The following ANKUB1 variants were observed in gnomAD, a reference collection of about 807,000 sequenced individuals.
The protein encoded by ANKUB1 is protein ANKUB1.
A neutral mutation model predicts 49.3 loss-of-function variants in ANKUB1; 42 were observed. The observed-to-expected ratio is 0.85, with a 90% CI of 0.67 to 1.10. The LOEUF is 1.10. Ranked by LOEUF, ANKUB1 falls within the 50% of genes least tolerant of loss-of-function variation. ANKUB1 has a pLI of 0.00. For missense variants in ANKUB1, 613 were observed against 642.0 expected, an observed-to-expected ratio of 0.95 and a Z score of 0.49; for synonymous variants, 222 against 231.0, an observed-to-expected ratio of 0.96 and a Z score of 0.35.
At chr3:149,786,017 A>G (rs976111218) in intron 2 of ANKUB1, among the ~76,000 whole-genome samples, 5 of 147,696 alleles carry the variant, frequency 3.4e-5, no homozygotes, top group East Asian at 1.9e-4. Flanking sequence ...GCCAGTGATG[A>G]TGAGCTTTTA....
chr3:149,786,396 T>C (rs944200040), intron 2 of ANKUB1, among the ~76,000 whole-genome samples: 8 of 152,258 alleles, frequency 5.3e-5, no homozygotes, highest in African/African-American at 1.9e-4. Context: ...GAAGCATCTG[T>C]TCATGTCCTT....
chr3:149,773,221 G>A (rs1717443777), intron 3 of ANKUB1, among the ~76,000 whole-genome samples: 1 of 152,020 alleles, frequency 6.6e-6, no homozygotes, highest in South Asian at 2.1e-4. Flanking sequence ...CTCCCTGCCA[G>A]TCCCTCCCTT....
intron 2 of ANKUB1, among the ~76,000 whole-genome samples, chr3:149,787,593 C>T (rs1018311286): frequency 8.5e-5 from 13 of 152,150 alleles, no homozygotes; most frequent in Non-Finnish European, 1.9e-4. Flanking sequence ...CTGGCCAGAA[C>T]TTCCAACACT....
chr3:149,770,520 A>C, intron 4 of ANKUB1, 40 bp downstream of exon 4: 1 of 1,420,826 alleles, frequency 7.0e-7, no homozygotes, highest in Non-Finnish European at 9.7e-7. Flanking sequence ...AGTAAAAATC[A>C]CAGCACTTGC....
At chr3:149,772,180 G>C (rs1440457808) in intron 3 of ANKUB1, among the ~76,000 whole-genome samples, 1 of 151,876 alleles carries the variant, frequency 6.6e-6, no homozygotes, top group Non-Finnish European at 1.5e-5. Flanking sequence ...ACCATGCTCA[G>C]CTAAATTTTT....
intron 2 of ANKUB1, among the ~76,000 whole-genome samples, chr3:149,787,477 A>G (rs186838805): frequency 1.8e-4 from 28 of 152,152 alleles, no homozygotes; most frequent in Non-Finnish European, 2.8e-4. Flanking sequence ...GGGCTGAGAC[A>G]ATGGGGTTTT....
chr3:149,769,083 A>C (rs1717208625), intron 4 of ANKUB1, among the ~76,000 whole-genome samples: 1 of 152,228 alleles, frequency 6.6e-6, no homozygotes. Context: ...ATAAAATATT[A>C]GAATATTTTA....
intron 3 of ANKUB1, chr3:149,778,883 A>G (rs894412401): frequency 6.6e-6 from 1 of 152,210 alleles, no homozygotes; most frequent in East Asian, 1.9e-4. Flanking sequence ...ACAAAGCCCT[A>G]TGTATATGTT....
At position 149,761,560 on chromosome 3, in the gene ANKUB1, G is replaced by T; in HGVS notation, c.1559C>A (p.Ala520Asp). The T allele has an allele frequency of 6.4e-7, 1 of 1,551,280 alleles. No individual in the cohort carries two copies. The highest frequency in any genetic ancestry group is 2.4e-5 in the East Asian group (1 of 40,896). The stretch of plus-strand genomic sequence containing the variant: ...AGTCAAGTTAGAAATGCTCTTTTTG[G>T]CCAGGACTCTTGCTATTTCTAACTG... ...LQQLEIARVL[A>D]KKSISNLTTR... The change falls in exon 6 of 6, where the codon GCC (alanine) becomes GAC (aspartate). Residue 520 changes from alanine (A) to aspartate (D), a missense_variant. Transcript: ENST00000446160.
chr3:149,767,346 T>C lies in ANKUB1; in HGVS notation c.1316A>G (p.Lys439Arg). The C allele has an allele frequency of 1.3e-6, 2 of 1,549,884 alleles. No individual in the cohort carries two copies. The highest frequency in any genetic ancestry group is 1.7e-6 in the Non-Finnish European group (2 of 1,146,638). ...KITATARKKEKLIKNTYLPQV... is the reference protein window; with the variant it reads ...KITATARKKERLIKNTYLPQV... ...GGGAAGATATGTGTTTTTTATGAGC[T>C]TTTCTTTTTTCCTAGCTGTGGCAGT... The change falls in exon 5 of 6, where the codon AAG becomes AGG. Residue 439 changes from lysine to arginine, a missense_variant. By Grantham distance (26) the Lys-to-Arg change is conservative. Transcript: ENST00000446160.
chr3:149,764,130 C>T, intron 5 of ANKUB1: 1 of 425,898 alleles, frequency 2.3e-6, no homozygotes, highest in Non-Finnish European at 4.7e-6. Context: ...AAGATAGCGT[C>T]CATCCATTCC....
chr3:149,789,630 C>CT (rs35696242), intron 2 of ANKUB1, among the ~76,000 whole-genome samples: 102,854 of 140,468 alleles, frequency 0.73, 37,740 homozygotes, highest in East Asian at 0.85. Flanking sequence ...GAAGAATATT[C>CT]TTTTTTTTTT....
chr3:149,791,035 G>T, intron 1 of ANKUB1, 111 bp from the exon 2 acceptor site: 1 of 1,114,782 alleles, frequency 9.0e-7, no homozygotes, highest in Non-Finnish European at 1.2e-6. Context: ...AATTGTTTGG[G>T]ACAAAGGGAA....
intron 3 of ANKUB1, chr3:149,779,701 TTGCATTTATACA>T (rs766873818): frequency 4.2e-4 from 65 of 155,296 alleles, no homozygotes; most frequent in Non-Finnish European, 6.7e-4. Context: ...GTACTTGAAC[TTGCATTTATACA>T]TGCTTGAAGT....
At chr3:149,768,168 G>T in intron 4 of ANKUB1, 73 bp from the exon 5 acceptor site, 2 of 1,029,708 alleles carry the variant, frequency 1.9e-6, no homozygotes, top group South Asian at 3.1e-5. Flanking sequence ...TACACTAAAT[G>T]CTCATGAAAT....
intron 3 of ANKUB1, among the ~76,000 whole-genome samples, chr3:149,777,377 C>G (rs576895416): frequency 6.6e-6 from 1 of 152,106 alleles, no homozygotes; most frequent in Non-Finnish European, 1.5e-5. Flanking sequence ...GAGGCTGAGG[C>G]AGGGGAATCG....
intron 5 of ANKUB1, among the ~76,000 whole-genome samples, chr3:149,762,468 A>G (rs1031783598): frequency 5.3e-5 from 8 of 152,170 alleles, no homozygotes; most frequent in Non-Finnish European, 8.8e-5. Context: ...TTCCACACCC[A>G]GTCAGTGACC....
At chr3:149,770,512 T>C in intron 4 of ANKUB1, 48 bp downstream of exon 4, 1 of 1,387,600 alleles carries the variant, frequency 7.2e-7, no homozygotes, top group Non-Finnish European at 1.0e-6. Flanking sequence ...GGAAGTTTAG[T>C]AAAAATCACA....
At chr3:149,786,675 G>C (rs985601724) in intron 2 of ANKUB1, among the ~76,000 whole-genome samples, 1 of 152,172 alleles carries the variant, frequency 6.6e-6, no homozygotes, top group African/African-American at 2.4e-5. Context: ...GTCCCGAATG[G>C]TATTGCCTAG....
Sources: allele counts gnomAD v4.1 joint callset (sites outside exome capture counted in the v4.1 genomes callset), GRCh38; gene constraint gnomAD v4.1.1; transcripts MANE v1.5; gene names NCBI Gene and HGNC (gene_info 2026-07-23, HGNC 2026-07-21).